Variants in LAMB4 observed in about 807,000 individuals in gnomAD.
LAMB4 encodes laminin subunit beta-4.
In LAMB4, 196 loss-of-function variants were observed where a neutral mutation model predicts 199.2. That is an observed-to-expected ratio of 0.98 (90% CI 0.88 to 1.11). The LOEUF (loss-of-function observed/expected upper bound fraction) is 1.11, where lower values mean the gene tolerates loss of function less well. Ranked by LOEUF, LAMB4 falls within the 50% of genes least tolerant of loss-of-function variation. The probability of loss-of-function intolerance (pLI) is 0.00; values close to 1 mark genes in which losing one functional copy is unlikely to be tolerated. For missense variants in LAMB4, 2,080 were observed against 2,171.2 expected (o/e 0.96, Z 0.83); for synonymous variants, 744 against 770.6 (o/e 0.97, Z 0.57).
intron 8 of LAMB4, among the ~76,000 whole-genome samples, chr7:108,105,428 G>T (rs1472740919): frequency 6.6e-6 from 1 of 152,168 alleles, no homozygotes; most frequent in Non-Finnish European, 1.5e-5. Flanking sequence ...TATTAGGTTG[G>T]TACAACAGTA....
intron 32 of LAMB4, among the ~76,000 whole-genome samples, chr7:108,030,300 T>G (rs59773200): frequency 1.3e-5 from 2 of 152,318 alleles, no homozygotes; most frequent in East Asian, 3.9e-4. Flanking sequence ...CAAAGGTTTC[T>G]TGCTAGGAAA....
At chr7:108,092,678 G>T (rs1160557718) in intron 12 of LAMB4, among the ~76,000 whole-genome samples, 1 of 152,122 alleles carries the variant, frequency 6.6e-6, no homozygotes, top group African/African-American at 2.4e-5. Flanking sequence ...GGCCGAGACG[G>T]GTGGATCACT....
intron 12 of LAMB4, among the ~76,000 whole-genome samples, chr7:108,093,057 C>A (rs1255286058): frequency 6.6e-6 from 1 of 152,162 alleles, no homozygotes; most frequent in African/African-American, 2.4e-5. Flanking sequence ...CTTCTACCAG[C>A]CTATGTGTAA....
At chr7:108,080,500 A>G (rs1196047622) in intron 14 of LAMB4, among the ~76,000 whole-genome samples, 2 of 152,156 alleles carry the variant, frequency 1.3e-5, no homozygotes, top group Admixed American at 6.5e-5. Flanking sequence ...TCCAATATAT[A>G]TCATGTACTG....
At chr7:108,072,544 G>A (rs1318823109) in intron 17 of LAMB4, among the ~76,000 whole-genome samples, 1 of 152,156 alleles carries the variant, frequency 6.6e-6, no homozygotes, top group Non-Finnish European at 1.5e-5. Flanking sequence ...AAGGGGGCAT[G>A]GGATTGGGTC....
intron 2 of LAMB4, among the ~76,000 whole-genome samples, chr7:108,119,480 G>C (rs2038524761): frequency 6.6e-6 from 1 of 152,154 alleles, no homozygotes; most frequent in Non-Finnish European, 1.5e-5. Context: ...GCAACAACTT[G>C]GATGGATCTG....
Position 108,098,460 on chromosome 7 carries a change from C to T in LAMB4, c.1303G>A (p.Asp435Asn), listed in dbSNP as rs1011482644. ...CKENVEGAKC[D>N]QCKPNHYGLS... ...CCGTAGTGGTTGGGTTTGCACTGGT[C>T]GCATTTGGCTCCTTCCACGTTCTCT... The change falls in exon 11 of 34, where the codon GAC becomes AAC. Residue 435 changes from aspartate (D) to asparagine (N), a missense_variant. Transcript: ENST00000388781. 3 of 1,612,890 alleles carry T rather than the reference C, an allele frequency of 1.9e-6. No individual in the cohort carries two copies. Among genetic ancestry groups the T allele is most frequent in the Middle Eastern group, 3.4e-4 (2 of 5,964 alleles).
chr7:108,031,865 C>A (rs1285145917), intron 31 of LAMB4, among the ~76,000 whole-genome samples: 1 of 152,048 alleles, frequency 6.6e-6, no homozygotes, highest in African/African-American at 2.4e-5. Context: ...ATGCTTGTTT[C>A]TTATTTCAGT....
intron 33 of LAMB4, among the ~76,000 whole-genome samples, chr7:108,025,194 G>A (rs2034787847): frequency 1.3e-5 from 2 of 152,164 alleles, no homozygotes; most frequent in African/African-American, 4.8e-5. Context: ...GGCCAACCTA[G>A]GAAAGCAGAG....
At chr7:108,050,381 T>C (rs1220259162) in intron 26 of LAMB4, among the ~76,000 whole-genome samples, 1 of 152,190 alleles carries the variant, frequency 6.6e-6, no homozygotes, top group Non-Finnish European at 1.5e-5. Flanking sequence ...AGGAAACTTA[T>C]TTGCCTAAGT....
chr7:108,078,707 T>G (rs1320513474), intron 15 of LAMB4, among the ~76,000 whole-genome samples: 2 of 152,208 alleles, frequency 1.3e-5, no homozygotes, highest in African/African-American at 4.8e-5. Context: ...CAAATTAGCT[T>G]TATTCTGAAG....
chr7:108,113,074 T>C (rs780330078), intron 3 of LAMB4, among the ~76,000 whole-genome samples: 1 of 152,208 alleles, frequency 6.6e-6, no homozygotes, highest in Non-Finnish European at 1.5e-5. Flanking sequence ...CCTTCCCTTA[T>C]TTCAGGTTTC....
rs548281576 is a variant in LAMB4 at position 108,052,007 on chromosome 7, T to C, written c.3916+90A>G. The C allele has an allele frequency of 4.1e-6, 4 of 986,002 alleles. No individual in the cohort carries two copies. In the East Asian group the frequency reaches 1.0e-4, roughly 25 times the overall value. The allele number at this position is 986,002 out of a possible 1,614,324, so 61.1% of individuals were successfully genotyped here. ...GTTCTAAAGTGCTCAGGCACTATGGTGGTAAGCAGGGGACGACTCACTAAT... is the reference window on the plus strand; with the variant it reads ...GTTCTAAAGTGCTCAGGCACTATGGCGGTAAGCAGGGGACGACTCACTAAT... On this transcript the variant is annotated intron_variant, in intron 26 of 33. Transcript: ENST00000388781.
In LAMB4 at chr7:108,034,548, C is replaced by T. The variant is rs78883502; in HGVS notation, c.4680-202G>A. Among the ~76,000 whole-genome samples, 725 of 152,200 alleles carry T rather than the reference C, an allele frequency of 4.8e-3. 2 individuals are homozygous for T. The highest frequency in any genetic ancestry group is 0.016 in the African/African-American group (681 of 41,518). On this transcript the variant is annotated intron_variant, in intron 30 of 33. Transcript: ENST00000388781. ...ATGCCAATAAAAAAAACCCCACACA[C>T]GTATATATTCATAGCCAGTGGATAT...
At chr7:108,012,257 A>G in the LAMB4 span, among the ~76,000 whole-genome samples, 1 of 152,184 alleles carries the variant, frequency 6.6e-6, no homozygotes, top group Non-Finnish European at 1.5e-5. Context: ...AACAAAATAT[A>G]AACACATTTC....
the LAMB4 span, among the ~76,000 whole-genome samples, chr7:108,017,906 T>G: frequency 6.6e-6 from 1 of 152,216 alleles, no homozygotes; most frequent in African/African-American, 2.4e-5. Context: ...TATTAGCATT[T>G]TACAGCTAAA....
chr7:108,112,177 G>A (rs552098049), intron 3 of LAMB4, among the ~76,000 whole-genome samples: 1 of 152,276 alleles, frequency 6.6e-6, no homozygotes, highest in East Asian at 1.9e-4. Context: ...GCAAATTTAT[G>A]TAAAACTAAT....
intron 13 of LAMB4, 135 bp from the exon 14 acceptor site, chr7:108,091,911 ATG>A (rs2037420526): frequency 8.2e-6 from 7 of 856,086 alleles, no homozygotes; most frequent in Non-Finnish European, 1.1e-5. Context: ...CTGTGGGAAG[ATG>A]CAGAAAGGCC....
At chr7:108,107,252 G>A (rs1383640055) in intron 6 of LAMB4, among the ~76,000 whole-genome samples, 1 of 152,202 alleles carries the variant, frequency 6.6e-6, no homozygotes, top group African/African-American at 2.4e-5. Context: ...TCAGAGGGAT[G>A]TTCCCGGCAG....
Sources: gnomAD v4.1 joint callset for allele counts (sites outside exome capture counted in the v4.1 genomes callset) on GRCh38, gnomAD v4.1.1 for gene constraint, MANE v1.5 for transcripts, NCBI Gene and HGNC (gene_info 2026-07-23, HGNC 2026-07-21) for gene names.